Variants in STXBP5L observed in about 807,000 individuals in gnomAD.
The protein encoded by STXBP5L is syntaxin binding protein 5L, also known as syntaxin-binding protein 5-like.
A neutral mutation model predicts 144.5 loss-of-function variants in STXBP5L; 65 were observed. That is an observed-to-expected ratio of 0.45 (90% confidence interval 0.37 to 0.55). STXBP5L has a LOEUF of 0.55. Ranked by LOEUF, STXBP5L falls within the 20% of genes least tolerant of loss-of-function variation. The pLI is 0.00. For synonymous variants in STXBP5L, 505 were observed against 469.6 expected (o/e 1.08, Z -0.97); for missense variants, 1,298 against 1,405.5 (o/e 0.92, Z 1.22).
rs1559859032 is a variant in STXBP5L at position 121,202,226 on chromosome 3, T to C, written c.878-3697T>C. Among the ~76,000 whole-genome samples the C allele has an allele frequency of 2.0e-5, 3 of 152,320 alleles. No individual in the cohort carries two copies. In the South Asian group the frequency reaches 6.2e-4, roughly 32 times the overall value. On this transcript the variant is annotated intron_variant, in intron 9 of 26. Transcript: ENST00000471454. ...TCAAGTATATATTCACAGAATCTGTTACATTGATGTTTTTGCTTATCATTT... is the reference window on the plus strand; with the variant it reads ...TCAAGTATATATTCACAGAATCTGTCACATTGATGTTTTTGCTTATCATTT...
chr3:121,057,082 A>G (rs1323178144), intron 5 of STXBP5L, among the ~76,000 whole-genome samples: 1 of 151,728 alleles, frequency 6.6e-6, no homozygotes, highest in Non-Finnish European at 1.5e-5. Flanking sequence ...CAAGACAGAA[A>G]ACTGCATAAC....
rs562671561 is a variant in STXBP5L, at chr3:121,270,925, A to G, written c.1959-8880A>G. On this transcript the variant is annotated intron_variant, in intron 18 of 26. Coordinates refer to ENST00000471454, the MANE Select transcript of STXBP5L (RefSeq NM_001308330.2). ...CTCAGTTTATCTTATCAGAAGGTACATGATCATGGATTGTCCTAATTTTAG... is the reference window on the plus strand; with the variant it reads ...CTCAGTTTATCTTATCAGAAGGTACGTGATCATGGATTGTCCTAATTTTAG... Among the ~76,000 whole-genome samples the G allele has an allele frequency of 5.3e-5, 8 of 152,294 alleles. No individual in the cohort carries two copies. In the East Asian group the frequency reaches 1.4e-3, roughly 26 times the overall value.
At chr3:121,158,266 T>A (rs1371044448) in intron 9 of STXBP5L, 3 of 152,168 alleles carry the variant, frequency 2.0e-5, no homozygotes, top group Non-Finnish European at 4.4e-5. Flanking sequence ...TTGATAATAT[T>A]GGTGATGATC....
At chr3:121,298,636 T>A (rs763793777) in intron 19 of STXBP5L, among the ~76,000 whole-genome samples, 1 of 152,184 alleles carries the variant, frequency 6.6e-6, no homozygotes, top group Non-Finnish European at 1.5e-5. Context: ...GACATTACAC[T>A]AGATGAAATA....
chr3:121,148,581 A>G (rs1408064906), intron 7 of STXBP5L, among the ~76,000 whole-genome samples: 3 of 152,116 alleles, frequency 2.0e-5, no homozygotes, highest in African/African-American at 4.8e-5. Context: ...AAAGATGGCT[A>G]TGATTTATTC....
intron 18 of STXBP5L, among the ~76,000 whole-genome samples, chr3:121,264,066 G>C (rs1249687752): frequency 2.0e-5 from 3 of 152,170 alleles, no homozygotes; most frequent in Admixed American, 2.0e-4. Context: ...AGAGAGAAAG[G>C]TCAGGTTACC....
chr3:121,066,416 A>T (rs2041549217), intron 5 of STXBP5L, among the ~76,000 whole-genome samples: 1 of 150,686 alleles, frequency 6.6e-6, no homozygotes, highest in Non-Finnish European at 1.5e-5. Context: ...TTAAATCATG[A>T]ATGGGTGTTG....
chr3:121,211,320 A>C (rs1474108176), intron 10 of STXBP5L, among the ~76,000 whole-genome samples: 2 of 152,016 alleles, frequency 1.3e-5, no homozygotes, highest in Non-Finnish European at 1.5e-5. Flanking sequence ...GCTTAAGGAG[A>C]TTTTGGGCTG....
chr3:121,174,007 G>C (rs141054756), intron 9 of STXBP5L, among the ~76,000 whole-genome samples: 216 of 152,206 alleles, frequency 1.4e-3, no homozygotes, highest in Non-Finnish European at 2.6e-3. Flanking sequence ...CAATATGCTG[G>C]AGAGATGAAC....
intron 2 of STXBP5L, among the ~76,000 whole-genome samples, chr3:120,934,091 C>CTTTT (rs200329422): frequency 7.2e-6 from 1 of 138,080 alleles, no homozygotes; most frequent in Non-Finnish European, 1.6e-5. Context: ...TTTTCTTTTT[C>CTTTT]TTTTTTTTTT....
chr3:120,960,425 G>A (rs1040443053), intron 3 of STXBP5L, among the ~76,000 whole-genome samples: 1 of 152,100 alleles, frequency 6.6e-6, no homozygotes, highest in Non-Finnish European at 1.5e-5. Flanking sequence ...ACCGAAAGGA[G>A]TATAAATCAT....
chr3:121,134,416 T>TA (rs2045145823), intron 7 of STXBP5L, among the ~76,000 whole-genome samples: 1 of 152,186 alleles, frequency 6.6e-6, no homozygotes, highest in African/African-American at 2.4e-5. Flanking sequence ...TCTTTTTTTT[T>TA]AATTATACTT....
chr3:121,286,722 G>C (rs1238752448), intron 19 of STXBP5L, among the ~76,000 whole-genome samples: 1 of 151,976 alleles, frequency 6.6e-6, no homozygotes, highest in African/African-American at 2.4e-5. Context: ...GAAAGATAGA[G>C]TAGCAAGTAC....
chr3:121,199,256 G>A (rs1018389269), intron 9 of STXBP5L, among the ~76,000 whole-genome samples: 22 of 152,082 alleles, frequency 1.4e-4, no homozygotes, highest in Admixed American at 5.2e-4. Flanking sequence ...ATGAATAGGC[G>A]TTCACTCATG....
intron 20 of STXBP5L, among the ~76,000 whole-genome samples, chr3:121,340,930 T>C (rs1285414621): frequency 6.6e-6 from 1 of 152,030 alleles, no homozygotes; most frequent in African/African-American, 2.4e-5. Flanking sequence ...TGTTAAGTTG[T>C]CAACAGTTTA....
chr3:121,300,041 C>G (rs916071469), intron 19 of STXBP5L, among the ~76,000 whole-genome samples: 5 of 149,400 alleles, frequency 3.3e-5, no homozygotes, highest in Non-Finnish European at 5.9e-5. Flanking sequence ...ACTACTAAAA[C>G]CAACCTACAA....
intron 10 of STXBP5L, among the ~76,000 whole-genome samples, chr3:121,208,895 G>T (rs2048443477): frequency 6.6e-6 from 1 of 152,030 alleles, no homozygotes. Context: ...TTCTCCTAAT[G>T]CTATCCCTCC....
intron 10 of STXBP5L, among the ~76,000 whole-genome samples, chr3:121,208,101 A>G (rs1381470162): frequency 6.6e-6 from 1 of 152,242 alleles, no homozygotes; most frequent in Non-Finnish European, 1.5e-5. Flanking sequence ...CATCAGTGAT[A>G]GACTGGATTA....
chr3:121,139,731 T>C (rs941578611), intron 7 of STXBP5L, among the ~76,000 whole-genome samples: 3 of 152,060 alleles, frequency 2.0e-5, no homozygotes, highest in African/African-American at 7.2e-5. Flanking sequence ...CAGGATTAAT[T>C]CTCAAATGTA....
Sources: gnomAD v4.1 joint callset for allele counts (sites outside exome capture counted in the v4.1 genomes callset) on GRCh38, gnomAD v4.1.1 for gene constraint, MANE v1.5 for transcripts, NCBI Gene and HGNC (gene_info 2026-07-23, HGNC 2026-07-21) for gene names.